The following ST3GAL4 variants were observed in gnomAD, a reference collection of about 807,000 sequenced individuals.
ST3GAL4 encodes CMP-N-acetylneuraminate-beta-galactosamide-alpha-2,3-sialyltransferase 4.
ST3GAL4 carries 24 observed loss-of-function variants against 42.6 expected under a neutral mutation model. The observed-to-expected ratio is 0.56, with a 90% confidence interval of 0.41 to 0.79. The LOEUF (loss-of-function observed/expected upper bound fraction) is 0.79. Among genes scored for constraint, ST3GAL4 ranks in the 30% least tolerant of loss-of-function variants. The pLI, the probability that ST3GAL4 is intolerant of heterozygous loss-of-function variation, is 0.00. For synonymous variants in ST3GAL4, 135 were observed against 163.2 expected (o/e 0.83, Z 1.32); for missense variants, 311 against 430.8 (o/e 0.72, Z 2.46).
intron 1 of ST3GAL4, among the ~76,000 whole-genome samples, chr11:126,387,126 C>T (rs1224557070): frequency 2.6e-5 from 4 of 152,182 alleles, no homozygotes; most frequent in Non-Finnish European, 4.4e-5. Context: ...GTTCTAGGGT[C>T]TGAGATCAGC....
intron 1 of ST3GAL4, among the ~76,000 whole-genome samples, chr11:126,374,747 G>T (rs1365594068): frequency 6.6e-6 from 1 of 152,186 alleles, no homozygotes; most frequent in Non-Finnish European, 1.5e-5. Context: ...GTCCATGGAG[G>T]TTTTGGGGCT....
intron 1 of ST3GAL4, among the ~76,000 whole-genome samples, chr11:126,374,187 C>T (rs1952750854): frequency 6.6e-6 from 1 of 151,914 alleles, no homozygotes; most frequent in African/African-American, 2.4e-5. Context: ...CACAGTGGCT[C>T]ACCCCTGTAA....
intron 1 of ST3GAL4, among the ~76,000 whole-genome samples, chr11:126,395,833 C>T (rs1488591585): frequency 6.6e-6 from 1 of 152,136 alleles, no homozygotes; most frequent in Non-Finnish European, 1.5e-5. Context: ...TTCCCAGTCT[C>T]GTGCATGTCT....
Position 126,406,687 on chromosome 11 carries a change from G to A in ST3GAL4, c.101+130G>A. ...GCCGGCACATGACCTCATCCCTTCA[G>A]CTGCTGGTACGGAGTGTTTCCATGA... On this transcript the variant is annotated intron_variant, in intron 3 of 10. Transcript: ENST00000444328. This position sits in a 1 kb window ranked among gnomAD's most constrained non-coding sequence, Gnocchi z 5.4. The A allele has an allele frequency of 7.7e-7, 1 of 1,302,290 alleles. No homozygotes were observed. Among genetic ancestry groups the A allele is most frequent in the South Asian group, 1.4e-5 (1 of 72,782 alleles). The allele number at this position is 1,302,290 out of a possible 1,614,324, so 80.7% of individuals were successfully genotyped here.
In ST3GAL4 at chr11:126,384,384, G is replaced by A. The variant is rs1489520453; in HGVS notation, c.-60-21712G>A. ...CAGGGCTGGAATTTGTGGCACCTGT[G>A]TAGGGACTCCAGGGCTGAACGTTGC... On this transcript the variant is annotated intron_variant, in intron 1 of 10. Transcript: ENST00000444328. This position sits in a 1 kb window ranked among gnomAD's most constrained non-coding sequence, Gnocchi z 5.5. Among the ~76,000 whole-genome samples the A allele has an allele frequency of 4.6e-5, 7 of 152,164 alleles. No homozygotes were observed. The highest frequency in any genetic ancestry group is 7.2e-5 in the African/African-American group (3 of 41,430).
At chr11:126,401,078 A>G (rs761917050) in intron 1 of ST3GAL4, among the ~76,000 whole-genome samples, 38 of 152,100 alleles carry the variant, frequency 2.5e-4, no homozygotes, top group Admixed American at 5.9e-4. Context: ...CTTCCATTTG[A>G]GGAATTTAAG....
In ST3GAL4 at chr11:126,414,157, T is replaced by A; in HGVS notation, c.*110T>A. On this transcript the variant is annotated 3_prime_UTR_variant, in exon 11 of 11. Transcript: ENST00000444328. ...GTATGACCCACTTGGACTCACCCCC[T>A]CTTGGGGAGGGAGTTCTGGGCCTGG... 3.8e-6 allele frequency: 4 copies of A among 1,060,234 alleles called. No individual in the cohort carries two copies. The South Asian group carries it at 5.1e-5, about 14-fold the overall frequency. 65.7% of individuals were successfully genotyped at this position (1,060,234 alleles called of 1,614,324 possible).
chr11:126,367,234 A>G (rs1565394697), intron 1 of ST3GAL4, among the ~76,000 whole-genome samples: 1 of 152,210 alleles, frequency 6.6e-6, no homozygotes, highest in East Asian at 1.9e-4. Context: ...CCACCTCCCT[A>G]GAGGCCTCCT....
At position 126,360,645 on chromosome 11, in the gene ST3GAL4, A is replaced by T. The variant is rs561537754; in HGVS notation, c.-61+4803A>T. On this transcript the variant is annotated intron_variant, in intron 1 of 10. Coordinates refer to ENST00000444328, the MANE Select transcript of ST3GAL4 (RefSeq NM_001254757.2). ...CATCATGTTGGCCAGGCTGGTCTCGAACTCCTGACCTTGTGATCCGCCCAC... is the reference window on the plus strand; with the variant it reads ...CATCATGTTGGCCAGGCTGGTCTCGTACTCCTGACCTTGTGATCCGCCCAC... 7.2e-5 allele frequency among the ~76,000 whole-genome samples: 11 copies of T among 152,224 alleles called. No individual in the cohort carries two copies. In the East Asian group the frequency reaches 1.7e-3, roughly 24 times the overall value.
Position 126,408,317 on chromosome 11 carries a change from G to T in ST3GAL4, c.448G>T (p.Ala150Ser). ...CCTCCCAACCCCCAGATTGAACAATGCCCCAGTGGCTGGCTATGAGGGTGA... is the reference window on the plus strand; with the variant it reads ...CCTCCCAACCCCCAGATTGAACAATTCCCCAGTGGCTGGCTATGAGGGTGA... Reference protein sequence around the residue: ...KYDVVIRLNNAPVAGYEGDVG... With the variant: ...KYDVVIRLNNSPVAGYEGDVG... The change falls in exon 8 of 11, where the codon GCC becomes TCC. Residue 150 changes from alanine (A) to serine (S), a missense_variant. Coordinates refer to ENST00000444328, the MANE Select transcript of ST3GAL4 (RefSeq NM_001254757.2). 1 of 1,614,146 alleles carries T rather than the reference G, an allele frequency of 6.2e-7. No homozygotes were observed. Among genetic ancestry groups the T allele is most frequent in the Non-Finnish European group, 8.5e-7 (1 of 1,179,980 alleles).
Position 126,396,308 on chromosome 11 carries a change from G to A in ST3GAL4, c.-60-9788G>A, listed in dbSNP as rs183566422. Reference sequence around the variant, plus strand: ...GGAAGCAGGTACAGCCCAGGCCCGCGCTGAGGTTCGGCAGGGAAGCCAGAG... The same window carrying A: ...GGAAGCAGGTACAGCCCAGGCCCGCACTGAGGTTCGGCAGGGAAGCCAGAG... On this transcript the variant is annotated intron_variant, in intron 1 of 10. Coordinates refer to ENST00000444328, the MANE Select transcript of ST3GAL4 (RefSeq NM_001254757.2). This position sits in a 1 kb window ranked among gnomAD's most constrained non-coding sequence, Gnocchi z 5.8. Among the ~76,000 whole-genome samples, 275 of 152,180 alleles carry A rather than the reference G, an allele frequency of 1.8e-3. 2 individuals are homozygous for A. Among genetic ancestry groups the A allele is most frequent in the African/African-American group, 5.5e-3 (227 of 41,436 alleles).
chr11:126,366,169 GACAA>G lies in ST3GAL4; in HGVS notation c.-61+10333_-61+10336del, dbSNP rs1040201905. On this transcript the variant is annotated intron_variant, in intron 1 of 10. Transcript: ENST00000444328. The surrounding 1 kb of genome is among the most constrained non-coding windows in gnomAD (Gnocchi z 4.2). ...GATAGCTCCCAGGGACCTGCAAGCT[GACAA>G]ACAAAGTCTATACGAGCCAGAGCTG... Among the ~76,000 whole-genome samples the G allele has an allele frequency of 9.8e-5, 15 of 152,308 alleles. No homozygotes were observed. In the South Asian group the frequency reaches 1.7e-3, roughly 17 times the overall value.
In ST3GAL4 at chr11:126,386,142, C is replaced by T. The variant is rs925211357; in HGVS notation, c.-60-19954C>T. Among the ~76,000 whole-genome samples the T allele has an allele frequency of 4.6e-5, 7 of 152,124 alleles. No homozygotes were observed. Among genetic ancestry groups the T allele is most frequent in the African/African-American group, 7.2e-5 (3 of 41,410 alleles). On this transcript the variant is annotated intron_variant, in intron 1 of 10. Transcript: ENST00000444328. The surrounding 1 kb of genome is among the most constrained non-coding windows in gnomAD (Gnocchi z 4.7). ...TTCATGTAGGCCTCCGGTTTATAGCCGGCTCCTCAGAGACATGGTTCTATC... is the reference window on the plus strand; with the variant it reads ...TTCATGTAGGCCTCCGGTTTATAGCTGGCTCCTCAGAGACATGGTTCTATC...
chr11:126,413,465 G>C, intron 9 of ST3GAL4, 40 bp from the exon 10 acceptor site: 4 of 1,608,258 alleles, frequency 2.5e-6, no homozygotes, highest in Non-Finnish European at 3.4e-6. Flanking sequence ...GGTGGGAGGA[G>C]CAGGGCTCCC....
In ST3GAL4 at chr11:126,408,210, T is replaced by C. The variant is rs770572861; in HGVS notation, c.437+16T>C. 23 of 1,613,864 alleles carry C rather than the reference T, an allele frequency of 1.4e-5. No individual in the cohort carries two copies. The East Asian group carries it at 4.9e-4, about 34-fold the overall frequency. ...TGGTCATCAGGTGTGTGTGACTGTCTCTTCCTACTGTTGTTTGGGAACTGG... is the reference window on the plus strand; with the variant it reads ...TGGTCATCAGGTGTGTGTGACTGTCCCTTCCTACTGTTGTTTGGGAACTGG... On this transcript the variant is annotated intron_variant, in intron 7 of 10. Transcript: ENST00000444328.
chr11:126,359,162 C>T lies in ST3GAL4; in HGVS notation c.-61+3320C>T, dbSNP rs1316089224. Among the ~76,000 whole-genome samples, 3 of 152,182 alleles carry T rather than the reference C, an allele frequency of 2.0e-5. No individual in the cohort carries two copies. Among genetic ancestry groups the T allele is most frequent in the African/African-American group, 7.2e-5 (3 of 41,424 alleles). On this transcript the variant is annotated intron_variant, in intron 1 of 10. Coordinates refer to ENST00000444328, the MANE Select transcript of ST3GAL4 (RefSeq NM_001254757.2). The surrounding 1 kb of genome is among the most constrained non-coding windows in gnomAD (Gnocchi z 4.8). ...CTGGTCTGCAGCGACCCTACTTGTG[C>T]TCTGCGTCCTCTGCCAACTGCAGCA... is the stretch of plus-strand genomic sequence containing the variant.
In ST3GAL4 at chr11:126,414,019, G is replaced by C. The variant is rs760558659; in HGVS notation, c.974G>C (p.Gly325Ala). Reference sequence around the variant, plus strand: ...GCCATTAAGCGGATGCTGGAGATGGGAGCTATCAAGAACCTCACGTCCTTC... The same window carrying C: ...GCCATTAAGCGGATGCTGGAGATGGCAGCTATCAAGAACCTCACGTCCTTC... ...ALAIKRMLEM[G>A]AIKNLTSF The change falls in exon 11 of 11, where the codon GGA becomes GCA. Residue 325 changes from glycine to alanine, a missense_variant. Gly to Ala is a moderately conservative substitution (Grantham distance 60). Transcript: ENST00000444328. 1.2e-6 allele frequency: 2 copies of C among 1,614,258 alleles called. No homozygotes were observed. The highest frequency in any genetic ancestry group is 1.1e-5 in the South Asian group (1 of 91,084).
chr11:126,389,912 G>A (rs1307063926), intron 1 of ST3GAL4, among the ~76,000 whole-genome samples: 1 of 150,770 alleles, frequency 6.6e-6, no homozygotes, highest in Non-Finnish European at 1.5e-5. Context: ...GGTGGCTCAC[G>A]CCTGTAATCC....
chr11:126,388,663 T>A (rs1244927057), intron 1 of ST3GAL4, among the ~76,000 whole-genome samples: 2 of 89,420 alleles, frequency 2.2e-5, no homozygotes, highest in Non-Finnish European at 4.5e-5. Flanking sequence ...GTTTCTTGTT[T>A]TTTTTTTTTT....
Sources: allele counts gnomAD v4.1 joint callset (sites outside exome capture counted in the v4.1 genomes callset), GRCh38; gene constraint gnomAD v4.1.1; non-coding constraint Gnocchi (gnomAD v3.1); transcripts MANE v1.5; gene names NCBI Gene and HGNC (gene_info 2026-07-23, HGNC 2026-07-21).